Variants in ARPC5 observed in about 807,000 individuals in gnomAD.
ARPC5 encodes actin-related protein 2/3 complex subunit 5.
ARPC5 carries 5 observed loss-of-function variants against 15.4 expected under a neutral mutation model. That is an observed-to-expected ratio of 0.32 (90% CI 0.17 to 0.68). The LOEUF is 0.68. Among genes scored for constraint, ARPC5 ranks in the 30% least tolerant of loss-of-function variants. ARPC5 has a pLI of 0.71. For synonymous variants in ARPC5, 85 were observed against 72.2 expected (o/e 1.18, Z -0.90); for missense variants, 138 against 192.8 (o/e 0.72, Z 1.68).
intron 2 of ARPC5, chr1:183,632,165 G>C (rs893957114): frequency 6.6e-6 from 1 of 152,150 alleles, no homozygotes; most frequent in African/African-American, 2.4e-5. Context: ...GATTCTTGAA[G>C]CTCCTAGGAT....
At chr1:183,633,893 A>T (rs1375023080) in intron 1 of ARPC5, 2 of 152,214 alleles carry the variant, frequency 1.3e-5, no homozygotes, top group African/African-American at 4.8e-5. Flanking sequence ...ACATTCCCCT[A>T]AAAGGAAAAC....
rs1189536433 is a variant in ARPC5, at chr1:183,627,405, T to G, written c.*127A>C. On this transcript the variant is annotated 3_prime_UTR_variant, in exon 4 of 4. Transcript: ENST00000359856. ...TATGTAATTTTTTTCTTTACAGATA[T>G]GAAAAAGCAAGAAGGCAAAGCTGAG... The G allele has an allele frequency of 1.3e-6, 1 of 781,958 alleles. No homozygotes were observed. The highest frequency in any genetic ancestry group is 1.7e-5 in the African/African-American group (1 of 57,484). The allele number at this position is 781,958 out of a possible 1,614,324, so 48.4% of individuals were successfully genotyped here.
rs1382283842 is a variant in ARPC5 at position 183,627,241 on chromosome 1, G to A, written c.*291C>T. The A allele has an allele frequency of 7.2e-6, 2 of 276,668 alleles. No individual in the cohort carries two copies. The highest frequency in any genetic ancestry group is 2.2e-5 in the African/African-American group (1 of 45,146). The allele number at this position is 276,668 out of a possible 1,614,324, so 17.1% of individuals were successfully genotyped here. A position where few individuals can be genotyped will look rare whatever the true frequency, so the allele number is the denominator to read the frequency against. ...AACCAGCCAACAGGGGTTAAAAGTTGCACAATTAAACTTGAATGTAAATTA... is the reference window on the plus strand; with the variant it reads ...AACCAGCCAACAGGGGTTAAAAGTTACACAATTAAACTTGAATGTAAATTA... On this transcript the variant is annotated 3_prime_UTR_variant, in exon 4 of 4. Transcript: ENST00000359856.
At position 183,623,247 on chromosome 1, in the gene ARPC5, GAAAT is replaced by G. The variant is rs1648986958; in HGVS notation, c.*4281_*4284del. On this transcript the variant is annotated 3_prime_UTR_variant, in exon 4 of 4. Coordinates refer to ENST00000359856, the MANE Select transcript of ARPC5 (RefSeq NM_005717.4). ...GGATTCTAGGGAACTGTTTCAGAGA[GAAAT>G]AAGAGATGTAAACATAGATTATTTA... The G allele has an allele frequency of 4.6e-6, 3 of 646,826 alleles. No individual in the cohort carries two copies. The highest frequency in any genetic ancestry group is 2.7e-5 in the Admixed American group (1 of 36,728). The allele number at this position is 646,826 out of a possible 1,614,324, so 40.1% of individuals were successfully genotyped here.
chr1:183,634,492 T>C (rs562256811), intron 1 of ARPC5, among the ~76,000 whole-genome samples: 4 of 152,248 alleles, frequency 2.6e-5, no homozygotes, highest in Non-Finnish European at 5.9e-5. Context: ...TAGAAATGCA[T>C]ACAAATTCAG....
chr1:183,628,000 C>T (rs945884652), intron 3 of ARPC5, among the ~76,000 whole-genome samples: 18 of 151,854 alleles, frequency 1.2e-4, no homozygotes, highest in African/African-American at 3.6e-4. Context: ...GGTGAAACCC[C>T]GTCTCTACTA....
intron 3 of ARPC5, among the ~76,000 whole-genome samples, chr1:183,628,131 C>T (rs1298820594): frequency 7.0e-6 from 1 of 142,674 alleles, no homozygotes; most frequent in Non-Finnish European, 1.5e-5. Context: ...CGAGATTGCG[C>T]CACTGCACTC....
rs1055796374 is a variant in ARPC5 at position 183,626,720 on chromosome 1, T to G, written c.*812A>C. The G allele has an allele frequency of 2.0e-5, 3 of 152,664 alleles. No individual in the cohort carries two copies. The highest frequency in any genetic ancestry group is 4.8e-5 in the African/African-American group (2 of 41,468). 9.5% of individuals were successfully genotyped at this position (152,664 alleles called of 1,614,324 possible). A position where few individuals can be genotyped will look rare whatever the true frequency, so the allele number is the denominator to read the frequency against. On this transcript the variant is annotated 3_prime_UTR_variant, in exon 4 of 4. Transcript: ENST00000359856. The stretch of plus-strand genomic sequence containing the variant: ...TTTCATTCAGAGGCTGCCCAGAGTT[T>G]AAATTACACCATAGTTTTTCTTTCT...
intron 2 of ARPC5, 32 bp downstream of exon 2, chr1:183,633,050 C>CA: frequency 6.7e-7 from 1 of 1,501,428 alleles, no homozygotes; most frequent in East Asian, 2.4e-5. Context: ...AAGATATCAG[C>CA]AGAGATCACT....
chr1:183,627,739 A>C, intron 3 of ARPC5, 145 bp from the exon 4 acceptor site: 1 of 693,426 alleles, frequency 1.4e-6, no homozygotes, highest in South Asian at 1.7e-5. Context: ...CTTGAGCACC[A>C]ATTATGCACC....
intron 1 of ARPC5, chr1:183,633,358 TAAAGC>T: frequency 2.4e-6 from 1 of 411,184 alleles, no homozygotes. Context: ...TTTTTTTTAA[TAAAGC>T]AAAGACTGTT....
At chr1:183,630,406 T>C in intron 3 of ARPC5, 55 bp downstream of exon 3, 1 of 1,388,358 alleles carries the variant, frequency 7.2e-7, no homozygotes, top group Non-Finnish European at 9.7e-7. Context: ...AGGTTGTCAT[T>C]GTCATTCCCT....
Position 183,635,500 on chromosome 1 carries a change from G to A in ARPC5, c.143+17C>T, listed in dbSNP as rs1649458320. 2 of 1,601,154 alleles carry A rather than the reference G, an allele frequency of 1.2e-6. No homozygotes were observed. Among genetic ancestry groups the A allele is most frequent in the African/African-American group, 2.7e-5 (2 of 74,630 alleles). ...TGGGCTGGGCTGGGGTGGGGAGGGC[G>A]GTGAATGCAAGGATATTGCCGCAGG... On this transcript the variant is annotated intron_variant, in intron 1 of 3. Transcript: ENST00000359856.
At position 183,625,061 on chromosome 1, in the gene ARPC5, C is replaced by T. The variant is rs1649054575; in HGVS notation, c.*2471G>A. ...AGAAGGGGTATGTTTTCCATTTCTT[C>T]CCTTTTGTAAAATGCCAAAAAAGAA... On this transcript the variant is annotated 3_prime_UTR_variant, in exon 4 of 4. Transcript: ENST00000359856. 6.6e-6 allele frequency: 1 copy of T among 152,078 alleles called. No individual in the cohort carries two copies. Among genetic ancestry groups the T allele is most frequent in the African/African-American group, 2.4e-5 (1 of 41,382 alleles). 9.4% of individuals were successfully genotyped at this position (152,078 alleles called of 1,614,324 possible).
In ARPC5 at chr1:183,623,167, A is replaced by G. The variant is rs780525207; in HGVS notation, c.*4365T>C. On this transcript the variant is annotated 3_prime_UTR_variant, in exon 4 of 4. Transcript: ENST00000359856. Reference sequence around the variant, plus strand: ...GGCTGGAAAATACGGGAGTTTTAGAATGCTTTGGAATTCAGGTGGGTCATA... The same window carrying G: ...GGCTGGAAAATACGGGAGTTTTAGAGTGCTTTGGAATTCAGGTGGGTCATA... 6.3e-6 allele frequency: 3 copies of G among 476,588 alleles called. No homozygotes were observed. The highest frequency in any genetic ancestry group is 3.9e-5 in the African/African-American group (2 of 51,080). The allele number at this position is 476,588 out of a possible 1,614,324, so 29.5% of individuals were successfully genotyped here.
rs1459686431 is a variant in ARPC5 at position 183,634,929 on chromosome 1, T to A, written c.143+588A>T. 2.7e-3 allele frequency among the ~76,000 whole-genome samples: 392 copies of A among 143,594 alleles called. 2 individuals carry two copies. Among genetic ancestry groups the A allele is most frequent in the Middle Eastern group, 6.8e-3 (2 of 292 alleles). The allele number at this position is 143,594 out of a possible 152,430, so 94.2% of individuals were successfully genotyped here. ...TCTTCTTCTTCTTTTTTTTTTTTTT[T>A]TAAAAAGGCCAATGGGCTGAAAGCA... On this transcript the variant is annotated intron_variant, in intron 1 of 3. Transcript: ENST00000359856.
Position 183,623,469 on chromosome 1 carries a change from C to A in ARPC5, c.*4063G>T. On this transcript the variant is annotated 3_prime_UTR_variant, in exon 4 of 4. Transcript: ENST00000359856. The stretch of plus-strand genomic sequence containing the variant: ...TCCATATCTGGAATCATACAAGAGG[C>A]ACCTGCACAGAACGTTTTCACATTG... The A allele has an allele frequency of 6.5e-7, 1 of 1,550,320 alleles. No individual in the cohort carries two copies. Among genetic ancestry groups the A allele is most frequent in the South Asian group, 1.2e-5 (1 of 84,056 alleles).
intron 1 of ARPC5, 136 bp from the exon 2 acceptor site, chr1:183,633,290 T>C (rs141150428): frequency 8.6e-6 from 5 of 584,410 alleles, no homozygotes; most frequent in African/African-American, 7.8e-5. Flanking sequence ...ATTCAATGTG[T>C]TGGTTTCCAG....
rs993419876 is a variant in ARPC5, at chr1:183,623,416, T to C, written c.*4116A>G. On this transcript the variant is annotated 3_prime_UTR_variant, in exon 4 of 4. Coordinates refer to ENST00000359856, the MANE Select transcript of ARPC5 (RefSeq NM_005717.4). Reference sequence around the variant, plus strand: ...CACCACCTTGAGGCAGATGACATGCTGTACCTCTGTGGGCTTCCCGGGCCT... The same window carrying C: ...CACCACCTTGAGGCAGATGACATGCCGTACCTCTGTGGGCTTCCCGGGCCT... 6 of 1,550,420 alleles carry C rather than the reference T, an allele frequency of 3.9e-6. No homozygotes were observed. In the African/African-American group the frequency reaches 5.5e-5, roughly 14 times the overall value.
Sources: allele counts gnomAD v4.1 joint callset (sites outside exome capture counted in the v4.1 genomes callset), GRCh38; gene constraint gnomAD v4.1.1; transcripts MANE v1.5; gene names NCBI Gene and HGNC (gene_info 2026-07-23, HGNC 2026-07-21).